Variants in RAB2A observed in about 807,000 individuals in gnomAD.
RAB2A encodes ras-related protein Rab-2A.
Under a neutral mutation model 32.5 loss-of-function variants are expected in RAB2A, and 7 were observed. The ratio of observed to expected loss-of-function variants is 0.22; its 90% CI spans 0.12 to 0.40. RAB2A has a LOEUF of 0.40. Among genes scored for constraint, RAB2A ranks in the 10% least tolerant of loss-of-function variants. RAB2A has a pLI of 1.00. For missense variants in RAB2A, 108 were observed against 260.7 expected, an observed-to-expected ratio of 0.41 and a Z score of 4.03; for synonymous variants, 79 against 85.2, an observed-to-expected ratio of 0.93 and a Z score of 0.40.
intron 6 of RAB2A, among the ~76,000 whole-genome samples, chr8:60,607,626 A>T (rs1025746889): frequency 1.3e-5 from 2 of 151,996 alleles, no homozygotes; most frequent in African/African-American, 4.8e-5. Flanking sequence ...ACTAATGTAC[A>T]CTTAAGAATT....
At chr8:60,598,178 CAA>C (rs985217038) in intron 6 of RAB2A, among the ~76,000 whole-genome samples, 2 of 152,164 alleles carry the variant, frequency 1.3e-5, no homozygotes, top group Non-Finnish European at 1.5e-5. Flanking sequence ...GCCTGGGCAA[CAA>C]GAGTGAAACT....
chr8:60,584,968 A>G (rs1326418794), intron 5 of RAB2A, among the ~76,000 whole-genome samples, 153 bp downstream of exon 5: 1 of 152,212 alleles, frequency 6.6e-6, no homozygotes, highest in East Asian at 1.9e-4. Context: ...TGATTTTTAA[A>G]ATGATGTTAA....
At chr8:60,525,353 G>C (rs941621955) in intron 1 of RAB2A, among the ~76,000 whole-genome samples, 5 of 152,096 alleles carry the variant, frequency 3.3e-5, no homozygotes, top group African/African-American at 1.2e-4. Flanking sequence ...TTCCCCTTCT[G>C]CCATGATTAT....
intron 1 of RAB2A, among the ~76,000 whole-genome samples, chr8:60,551,182 C>A (rs962392882): frequency 1.1e-4 from 17 of 152,300 alleles, no homozygotes; most frequent in Admixed American, 1.0e-3. Flanking sequence ...GCATTTAACA[C>A]CCTGCAACTG....
intron 5 of RAB2A, among the ~76,000 whole-genome samples, chr8:60,590,230 A>G (rs1353340131): frequency 1.3e-5 from 2 of 148,592 alleles, no homozygotes; most frequent in Non-Finnish European, 2.9e-5. Flanking sequence ...AAAGTGCCGT[A>G]ATTACAGGTG....
chr8:60,612,500 A>T (rs2150437517), intron 6 of RAB2A, among the ~76,000 whole-genome samples: 1 of 152,316 alleles, frequency 6.6e-6, no homozygotes, highest in Admixed American at 6.5e-5. Flanking sequence ...GTTTTAAAGG[A>T]TGTAGGAAGT....
At chr8:60,527,703 CCTG>C (rs1430287767) in intron 1 of RAB2A, among the ~76,000 whole-genome samples, 1 of 152,134 alleles carries the variant, frequency 6.6e-6, no homozygotes, top group Non-Finnish European at 1.5e-5. Flanking sequence ...AAAAGACAAC[CCTG>C]CTCATTTACC....
At chr8:60,553,041 G>A (rs945083906) in intron 1 of RAB2A, 1 of 152,134 alleles carries the variant, frequency 6.6e-6, no homozygotes, top group Non-Finnish European at 1.5e-5. Context: ...TTTTTGAGAG[G>A]TGATGGTTGT....
chr8:60,569,746 C>G (rs1808169419), intron 2 of RAB2A, among the ~76,000 whole-genome samples: 1 of 152,158 alleles, frequency 6.6e-6, no homozygotes, highest in Non-Finnish European at 1.5e-5. Flanking sequence ...TTCCTAGGCT[C>G]AAGCAATCCT....
At chr8:60,597,940 A>G (rs1220033969) in intron 6 of RAB2A, among the ~76,000 whole-genome samples, 2 of 152,174 alleles carry the variant, frequency 1.3e-5, no homozygotes, top group Non-Finnish European at 2.9e-5. Context: ...TAGATGACTA[A>G]TAGACCAGTT....
chr8:60,598,308 A>C (rs11786146), intron 6 of RAB2A, among the ~76,000 whole-genome samples: 1 of 152,092 alleles, frequency 6.6e-6, no homozygotes, highest in Non-Finnish European at 1.5e-5. Flanking sequence ...TCACTGCGGA[A>C]TTCTACCAGA....
intron 6 of RAB2A, among the ~76,000 whole-genome samples, chr8:60,607,754 T>G (rs372223415): frequency 1.3e-5 from 2 of 152,178 alleles, no homozygotes; most frequent in Non-Finnish European, 2.9e-5. Context: ...TCTGAAGAGA[T>G]AGAGAGGCTG....
chr8:60,605,853 A>ATATATAT (rs201989396), intron 6 of RAB2A, among the ~76,000 whole-genome samples: 11 of 115,006 alleles, frequency 9.6e-5, no homozygotes, highest in East Asian at 3.2e-4. Context: ...ATATATATAT[A>ATATATAT]ATGCTTCATT....
At chr8:60,575,345 T>A (rs535877034) in intron 3 of RAB2A, among the ~76,000 whole-genome samples, 1 of 152,238 alleles carries the variant, frequency 6.6e-6, no homozygotes, top group African/African-American at 2.4e-5. Context: ...TCATTGACTT[T>A]CTTCTTACTT....
chr8:60,616,749 G>T (rs1804455344), intron 6 of RAB2A, among the ~76,000 whole-genome samples: 1 of 152,166 alleles, frequency 6.6e-6, no homozygotes, highest in South Asian at 2.1e-4. Context: ...TAGAGTTTAT[G>T]CATATTCATA....
chr8:60,602,982 T>C (rs1417952265), intron 6 of RAB2A, among the ~76,000 whole-genome samples: 1 of 152,196 alleles, frequency 6.6e-6, no homozygotes, highest in Non-Finnish European at 1.5e-5. Flanking sequence ...GACTCTCTTC[T>C]ATGAGAGCTG....
intron 3 of RAB2A, among the ~76,000 whole-genome samples, chr8:60,579,041 T>A (rs1436638486): frequency 1.3e-5 from 2 of 150,998 alleles, no homozygotes; most frequent in Non-Finnish European, 2.9e-5. Flanking sequence ...GTTGTTTTGT[T>A]TTGTTTTTGT....
At chr8:60,607,506 G>A (rs1358923915) in intron 6 of RAB2A, among the ~76,000 whole-genome samples, 5 of 150,772 alleles carry the variant, frequency 3.3e-5, no homozygotes, top group Admixed American at 6.6e-5. Flanking sequence ...CAAACTCTTC[G>A]GCTCAAGCAG....
intron 5 of RAB2A, among the ~76,000 whole-genome samples, chr8:60,586,843 C>T (rs573850365): frequency 1.5e-4 from 22 of 150,966 alleles, no homozygotes; most frequent in Non-Finnish European, 2.4e-4. Context: ...GTGAGAGGAT[C>T]ACTTGAATCC....
Sources: allele counts gnomAD v4.1 joint callset (sites outside exome capture counted in the v4.1 genomes callset), GRCh38; gene constraint gnomAD v4.1.1; transcripts MANE v1.5; gene names NCBI Gene and HGNC (gene_info 2026-07-23, HGNC 2026-07-21).